DST: variants seen among roughly 807,000 people sequenced by gnomAD.
DST encodes the protein dystonin.
Under a neutral mutation model 875.2 loss-of-function variants are expected in DST, and 253 were observed. That is an observed-to-expected ratio of 0.29 (90% CI 0.26 to 0.32). DST has a LOEUF of 0.32. DST is among the 10% of genes least tolerant of loss of function. DST has a pLI of 1.00. For synonymous variants in DST, 3,124 were observed against 3,197.1 expected (o/e 0.98, Z 0.77); for missense variants, 8,287 against 9,111.6 (o/e 0.91, Z 3.68).
chr6:56,904,360 G>A (rs1795417414), intron 2 of DST, among the ~76,000 whole-genome samples: 1 of 152,138 alleles, frequency 6.6e-6, no homozygotes, highest in African/African-American at 2.4e-5. Context: ...TTACTTACTA[G>A]GTGTGTGGTC....
chr6:56,514,213 T>G (rs535149806), intron 72 of DST, among the ~76,000 whole-genome samples: 1 of 152,208 alleles, frequency 6.6e-6, no homozygotes, highest in Non-Finnish European at 1.5e-5. Flanking sequence ...CACCTCAGCA[T>G]AGAAATCCAT....
chr6:56,835,579 A>G (rs1044604296), intron 4 of DST, among the ~76,000 whole-genome samples: 3 of 152,222 alleles, frequency 2.0e-5, no homozygotes, highest in African/African-American at 7.2e-5. Flanking sequence ...TTGAGTTCTT[A>G]GATCTACCTA....
Position 56,608,543 on chromosome 6 carries a change from C to T in DST, c.6085G>A (p.Val2029Ile), listed in dbSNP as rs2098517592. 3.1e-6 allele frequency: 5 copies of T among 1,613,504 alleles called. No individual in the cohort carries two copies. Among genetic ancestry groups the T allele is most frequent in the Non-Finnish European group, 4.2e-6 (5 of 1,179,722 alleles). The change falls in exon 40 of 104, where the codon GTT becomes ATT. Residue 2029 changes from valine to isoleucine, a missense_variant. Transcript: ENST00000680361. ...DTASSILTYQ[V>I]QTGGIIQSNP... ...GACTGGATGATTCCACCAGTTTGAA[C>T]CTGATATGTGAGGATACTGCTAGCA...
chr6:56,494,532 T>C (rs978461721), intron 82 of DST, among the ~76,000 whole-genome samples: 2 of 152,110 alleles, frequency 1.3e-5, no homozygotes, highest in Non-Finnish European at 2.9e-5. Flanking sequence ...CTCAATTCCT[T>C]CCTCTGTAAA....
intron 9 of DST, among the ~76,000 whole-genome samples, chr6:56,679,599 TAAAAAAAA>T (rs1165137050): frequency 0.019 from 2,128 of 111,850 alleles, 59 homozygotes; most frequent in African/African-American, 0.069. Context: ...TATGTCTCAT[TAAAAAAAA>T]AAAAAAAAAA....
chr6:56,561,163 C>A, intron 57 of DST, 145 bp downstream of exon 57: 1 of 881,824 alleles, frequency 1.1e-6, no homozygotes, highest in Non-Finnish European at 1.6e-6. Flanking sequence ...TATAGAAAGG[C>A]ACATTAAACA....
chr6:56,562,852 T>A (rs552163184), intron 55 of DST, among the ~76,000 whole-genome samples: 1 of 152,202 alleles, frequency 6.6e-6, no homozygotes, highest in African/African-American at 2.4e-5. Context: ...GGTTTTCTGT[T>A]CCTGTGTTAG....
At chr6:56,906,706 C>T (rs1796570784) in intron 2 of DST, among the ~76,000 whole-genome samples, 1 of 152,124 alleles carries the variant, frequency 6.6e-6, no homozygotes, top group African/African-American at 2.4e-5. Flanking sequence ...CTCTCTCTCA[C>T]TAGAGAGAGA....
rs192165678 is a variant in DST at position 56,629,992 on chromosome 6, C to T, written c.4281+253G>A. Among the ~76,000 whole-genome samples the T allele has an allele frequency of 8.1e-3, 1,237 of 152,220 alleles. 16 individuals are homozygous for T. The highest frequency in any genetic ancestry group is 0.018 in the Admixed American group (279 of 15,278). On this transcript the variant is annotated intron_variant, in intron 31 of 103. Transcript: ENST00000680361. ...TTACAAATAATTTAATTTTTAGCTTCGACTCCTCCTGCTGCCAACATGAAT... is the reference window on the plus strand; with the variant it reads ...TTACAAATAATTTAATTTTTAGCTTTGACTCCTCCTGCTGCCAACATGAAT...
chr6:56,497,590 G>A (rs2095962997), intron 81 of DST, 83 bp from the exon 82 acceptor site: 1 of 1,508,302 alleles, frequency 6.6e-7, no homozygotes. Flanking sequence ...ATCCCAGCCT[G>A]CTAAGCCTCT....
chr6:56,646,829 A>T (rs1172104857), intron 13 of DST, among the ~76,000 whole-genome samples: 1 of 152,190 alleles, frequency 6.6e-6, no homozygotes, highest in African/African-American at 2.4e-5. Flanking sequence ...ATTAAAAGGG[A>T]CCTTCATAAA....
intron 4 of DST, among the ~76,000 whole-genome samples, chr6:56,780,252 G>T (rs1180394080): frequency 6.6e-6 from 1 of 151,892 alleles, no homozygotes; most frequent in African/African-American, 2.4e-5. Context: ...GAAATGGGAT[G>T]GCTGGGTCAA....
intron 92 of DST, among the ~76,000 whole-genome samples, chr6:56,475,791 G>A (rs2095157605): frequency 6.6e-6 from 1 of 152,162 alleles, no homozygotes. Flanking sequence ...GTGGAGGTGG[G>A]TGAGATCACC....
rs761254167 is a variant in DST at position 56,492,395 on chromosome 6, T to C, written c.20589A>G (p.Ile6863Met). The change falls in exon 85 of 104, where the codon ATA becomes ATG. Residue 6863 changes from isoleucine to methionine, a missense_variant. Ile to Met is a conservative substitution (Grantham distance 10). Coordinates refer to ENST00000680361, the MANE Select transcript of DST (RefSeq NM_001374736.1). ...ANEVNSHREQ[I>M]IELDKTGTHL... ...GGGTTCCAGTTTTGTCCAGCTCTAT[T>C]ATCTGCTCACGATGAGAATTTACTT... 3 of 1,613,808 alleles carry C rather than the reference T, an allele frequency of 1.9e-6. No individual in the cohort carries two copies. Among genetic ancestry groups the C allele is most frequent in the East Asian group, 4.5e-5 (2 of 44,864 alleles).
chr6:56,872,956 C>G (rs1055078811), intron 3 of DST, among the ~76,000 whole-genome samples: 1 of 150,974 alleles, frequency 6.6e-6, no homozygotes, highest in African/African-American at 2.4e-5. Context: ...CTGTACTAAA[C>G]TTACATTCCT....
intron 37 of DST, among the ~76,000 whole-genome samples, chr6:56,612,918 A>G (rs950720395): frequency 6.6e-6 from 1 of 152,110 alleles, no homozygotes; most frequent in Admixed American, 6.6e-5. Context: ...CAGTCCAGCT[A>G]CTCAGGAGGC....
chr6:56,923,463 CAAAAAAA>C (rs57118743), intron 2 of DST, among the ~76,000 whole-genome samples: 3 of 48,736 alleles, frequency 6.2e-5, no homozygotes, highest in Admixed American at 2.5e-4. Context: ...GGCTCACTGG[CAAAAAAA>C]AAAAAAAAAA....
At chr6:56,721,413 G>T (rs761177429) in intron 5 of DST, among the ~76,000 whole-genome samples, 1 of 152,246 alleles carries the variant, frequency 6.6e-6, no homozygotes, top group South Asian at 2.1e-4. Flanking sequence ...ATTGACTGGG[G>T]AAGTGATAAG....
chr6:56,763,724 C>CACACACACAT (rs1434952060), intron 4 of DST, among the ~76,000 whole-genome samples: 1 of 143,658 alleles, frequency 7.0e-6, no homozygotes, highest in East Asian at 2.1e-4. Flanking sequence ...CACACACACA[C>CACACACACAT]ATATAGGGAT....
Sources: allele counts gnomAD v4.1 joint callset (sites outside exome capture counted in the v4.1 genomes callset), GRCh38; gene constraint gnomAD v4.1.1; transcripts MANE v1.5; gene names NCBI Gene and HGNC (gene_info 2026-07-23, HGNC 2026-07-21).